The following STOX2 variants were observed in gnomAD, a reference collection of about 807,000 sequenced individuals.
The protein encoded by STOX2 is storkhead-box protein 2.
STOX2 carries 28 observed loss-of-function variants against 60.9 expected under a neutral mutation model. The ratio of observed to expected loss-of-function variants is 0.46; its 90% CI spans 0.34 to 0.63. The LOEUF (loss-of-function observed/expected upper bound fraction) is 0.63, where lower values mean the gene tolerates loss of function less well. STOX2 is among the 30% of genes least tolerant of loss of function. The pLI, the probability that STOX2 is intolerant of heterozygous loss-of-function variation, is 0.01. For synonymous variants in STOX2, 472 were observed against 463.9 expected (o/e 1.02, Z -0.22); for missense variants, 1,024 against 1,187.7 (o/e 0.86, Z 2.03).
chr4:183,945,434 A>T (rs551442635), intron 1 of STOX2, among the ~76,000 whole-genome samples: 20 of 152,308 alleles, frequency 1.3e-4, no homozygotes, highest in African/African-American at 4.8e-4. Flanking sequence ...TGATTTAATG[A>T]GCTTTCTAAT....
rs61393267 is a variant in STOX2 at position 184,007,015 on chromosome 4, C to CAA, written c.320-2127_320-2126dup. ...TGGGCGACAGAGCGAGACTCTGTCT[C>CAA]AAAAAAAAAAAAAAAAACAAAACAA... is the stretch of plus-strand genomic sequence containing the variant. On this transcript the variant is annotated intron_variant, in intron 2 of 3. Coordinates refer to ENST00000308497, the MANE Select transcript of STOX2 (RefSeq NM_020225.3). 2.4e-3 allele frequency among the ~76,000 whole-genome samples: 127 copies of CAA among 52,680 alleles called. 7 individuals carry two copies. Among genetic ancestry groups the CAA allele is most frequent in the African/African-American group, 6.8e-3 (90 of 13,256 alleles). 34.6% of individuals were successfully genotyped at this position (52,680 alleles called of 152,430 possible).
chr4:183,893,584 CTTAT>C (rs1294144556), intron 1 of STOX2, among the ~76,000 whole-genome samples: 1 of 152,064 alleles, frequency 6.6e-6, no homozygotes, highest in Non-Finnish European at 1.5e-5. Flanking sequence ...TGGAGATACT[CTTAT>C]TTTACACTAT....
chr4:183,848,542 C>T (rs569368824), intron 1 of STOX2, among the ~76,000 whole-genome samples: 8 of 152,164 alleles, frequency 5.3e-5, no homozygotes, highest in African/African-American at 1.9e-4. Flanking sequence ...TGGGGAAGGG[C>T]CTCCGAGAGA....
chr4:183,889,973 T>C (rs908006874), intron 1 of STOX2, among the ~76,000 whole-genome samples: 2 of 152,166 alleles, frequency 1.3e-5, no homozygotes, highest in Admixed American at 1.3e-4. Flanking sequence ...TTTCCCACAA[T>C]ATGGCAGACT....
chr4:183,897,873 T>C (rs1047905175), intron 1 of STOX2, among the ~76,000 whole-genome samples: 3 of 152,208 alleles, frequency 2.0e-5, no homozygotes, highest in African/African-American at 7.2e-5. Context: ...TCCACGCTGG[T>C]TAACATAAAA....
intron 1 of STOX2, among the ~76,000 whole-genome samples, chr4:183,969,524 T>A (rs11935113): frequency 0.065 from 9,820 of 152,168 alleles, 470 homozygotes; most frequent in African/African-American, 0.13. Flanking sequence ...CGCCTCAGCC[T>A]CCCAAAGCCC....
rs982145496 is a variant in STOX2 at position 183,825,783 on chromosome 4, C to T, written c.364+27728C>T. Among the ~76,000 whole-genome samples the T allele has an allele frequency of 5.9e-5, 9 of 152,198 alleles. No homozygotes were observed. In the East Asian group the frequency reaches 1.5e-3, roughly 26 times the overall value. On this transcript the variant is annotated intron_variant, in intron 1 of 2. Transcript: ENST00000513034. This position sits in a 1 kb window ranked among gnomAD's most constrained non-coding sequence, Gnocchi z 4.1. The stretch of plus-strand genomic sequence containing the variant: ...GGGGAGGGGTTCAGATTTAATGCTT[C>T]GAGCAGTGGAAAGCTGCTCTGGGCT...
chr4:183,857,870 C>G (rs1740338801), intron 1 of STOX2, among the ~76,000 whole-genome samples: 1 of 152,138 alleles, frequency 6.6e-6, no homozygotes, highest in African/African-American at 2.4e-5. Flanking sequence ...CCTGCCCATC[C>G]CCCTGTTCTC....
intron 1 of STOX2, among the ~76,000 whole-genome samples, chr4:184,000,900 G>A (rs182921193): frequency 2.3e-4 from 35 of 152,302 alleles, no homozygotes; most frequent in Admixed American, 1.0e-3. Context: ...TGCAGCTCCC[G>A]TTCCCCCAGC....
chr4:183,988,908 C>G (rs1314102726), intron 1 of STOX2, among the ~76,000 whole-genome samples: 1 of 152,178 alleles, frequency 6.6e-6, no homozygotes, highest in Non-Finnish European at 1.5e-5. Flanking sequence ...GTGCACGGTC[C>G]TCTGAGAAGT....
chr4:183,840,567 T>C (rs190902435), intron 1 of STOX2, among the ~76,000 whole-genome samples: 2 of 152,350 alleles, frequency 1.3e-5, no homozygotes, highest in Admixed American at 1.3e-4. Context: ...GGTGAGTGTG[T>C]GGCAGTGGTT....
At chr4:183,994,889 C>T (rs1733265195) in intron 1 of STOX2, among the ~76,000 whole-genome samples, 3 of 151,674 alleles carry the variant, frequency 2.0e-5, no homozygotes, top group Non-Finnish European at 4.4e-5. Context: ...AAAAACAGTA[C>T]CTTAAAAGGA....
intron 1 of STOX2, among the ~76,000 whole-genome samples, chr4:183,895,263 A>G (rs1741315451): frequency 6.6e-6 from 1 of 152,146 alleles, no homozygotes; most frequent in Non-Finnish European, 1.5e-5. Context: ...ATAAGGCATT[A>G]TTTGTTTTTC....
chr4:183,871,079 C>T (rs1740677928), intron 1 of STOX2, among the ~76,000 whole-genome samples: 1 of 152,210 alleles, frequency 6.6e-6, no homozygotes, highest in South Asian at 2.1e-4. Context: ...TAATACGAGA[C>T]TGCAGTGAGT....
At chr4:183,950,718 A>T (rs2111144318) in intron 1 of STOX2, among the ~76,000 whole-genome samples, 1 of 152,300 alleles carries the variant, frequency 6.6e-6, no homozygotes, top group East Asian at 1.9e-4. Flanking sequence ...GGGACTCCAG[A>T]CAAGGAAAAG....
At chr4:183,978,389 G>A (rs1207298637) in intron 1 of STOX2, among the ~76,000 whole-genome samples, 2 of 152,138 alleles carry the variant, frequency 1.3e-5, no homozygotes, top group East Asian at 1.9e-4. Flanking sequence ...TTTTGTCAAC[G>A]TTGTCAAAGA....
chr4:183,851,009 AGAAAGGATGAGAGAAACGATGAGG>A, intron 1 of STOX2, among the ~76,000 whole-genome samples: 1 of 139,628 alleles, frequency 7.2e-6, no homozygotes, highest in Non-Finnish European at 1.6e-5. Flanking sequence ...AAAGGATGAG[AGAAAGGATGAGAGAAACGATGAGG>A]GAAAGGATGA....
intron 1 of STOX2, among the ~76,000 whole-genome samples, chr4:183,917,806 G>C (rs1390481956): frequency 6.6e-6 from 1 of 152,206 alleles, no homozygotes; most frequent in African/African-American, 2.4e-5. Context: ...CTGTGATTTA[G>C]GGCTGTGAAA....
intron 1 of STOX2, among the ~76,000 whole-genome samples, chr4:183,852,152 A>AAAGGATGAGG (rs1560846231): frequency 1.6e-3 from 10 of 6,162 alleles, no homozygotes; most frequent in African/African-American, 2.5e-3. Context: ...AAAGGATGAG[A>AAAGGATGAGG]GAAAGGATGA....
Sources: gnomAD v4.1 joint callset for allele counts (sites outside exome capture counted in the v4.1 genomes callset) on GRCh38, gnomAD v4.1.1 for gene constraint, Gnocchi (gnomAD v3.1) non-coding constraint, MANE v1.5 for transcripts, NCBI Gene and HGNC (gene_info 2026-07-23, HGNC 2026-07-21) for gene names.